Variants in SPATA17 observed in about 807,000 individuals in gnomAD.
SPATA17 encodes spermatogenesis-associated protein 17.
In SPATA17, 53 loss-of-function variants were observed where a neutral mutation model predicts 62.2. The observed-to-expected ratio is 0.85, with a 90% CI of 0.68 to 1.07. SPATA17 has a LOEUF of 1.07. SPATA17 is among the 50% of genes least tolerant of loss of function. The pLI is 0.00. For synonymous variants in SPATA17, 146 were observed against 146.8 expected (o/e 0.99, Z 0.04); for missense variants, 466 against 425.5 (o/e 1.10, Z -0.84).
At chr1:217,778,667 AATATTTCTG>A (rs1558047157) in intron 7 of SPATA17, among the ~76,000 whole-genome samples, 1 of 152,188 alleles carries the variant, frequency 6.6e-6, no homozygotes, top group Admixed American at 6.5e-5. Flanking sequence ...AGGGCATGTA[AATATTTCTG>A]AGCTGGAAAC....
chr1:217,670,575 A>G (rs1476995521), intron 4 of SPATA17, among the ~76,000 whole-genome samples: 1 of 152,188 alleles, frequency 6.6e-6, no homozygotes, highest in African/African-American at 2.4e-5. Context: ...ATCCAATGTC[A>G]ATTTATCTTT....
At chr1:217,703,472 T>C (rs1195445120) in intron 5 of SPATA17, among the ~76,000 whole-genome samples, 14 of 152,164 alleles carry the variant, frequency 9.2e-5, no homozygotes, top group Admixed American at 9.2e-4. Flanking sequence ...ATGCCTGGCA[T>C]ATTTCATTAC....
chr1:217,802,313 ATG>A (rs1333913099), intron 9 of SPATA17, among the ~76,000 whole-genome samples: 1 of 152,210 alleles, frequency 6.6e-6, no homozygotes, highest in Non-Finnish European at 1.5e-5. Flanking sequence ...ATATATGTAT[ATG>A]TGCAACTCCT....
At chr1:217,732,084 T>TTCTCTCTCTCTATCTCTC (rs1553370378) in intron 5 of SPATA17, among the ~76,000 whole-genome samples, 5 of 148,834 alleles carry the variant, frequency 3.4e-5, no homozygotes, top group Middle Eastern at 3.5e-3. Flanking sequence ...TTACTCCAGT[T>TTCTCTCTCTCTATCTCTC]TCTCTCTCTC....
At chr1:217,681,264 A>G (rs928952708) in intron 4 of SPATA17, among the ~76,000 whole-genome samples, 3 of 151,436 alleles carry the variant, frequency 2.0e-5, no homozygotes, top group Non-Finnish European at 2.9e-5. Flanking sequence ...AAATAAAGTT[A>G]TTTTCTCTGA....
At chr1:217,760,352 A>G (rs1673144090) in intron 6 of SPATA17, among the ~76,000 whole-genome samples, 1 of 152,230 alleles carries the variant, frequency 6.6e-6, no homozygotes, top group Admixed American at 6.5e-5. Context: ...AGGATAACAT[A>G]CAGAAAAGTG....
chr1:217,838,451 A>G (rs1373299026), intron 9 of SPATA17, among the ~76,000 whole-genome samples: 2 of 152,086 alleles, frequency 1.3e-5, no homozygotes, highest in Non-Finnish European at 2.9e-5. Flanking sequence ...CGCTCATTAT[A>G]GGTCCATTAA....
chr1:217,769,758 AATGTTTCC>A (rs1673391488), intron 6 of SPATA17, among the ~76,000 whole-genome samples: 1 of 152,206 alleles, frequency 6.6e-6, no homozygotes, highest in South Asian at 2.1e-4. Flanking sequence ...GTGAATCCCT[AATGTTTCC>A]ATGAAATTCC....
chr1:217,791,485 C>T (rs1175545070), intron 8 of SPATA17, among the ~76,000 whole-genome samples: 1 of 152,006 alleles, frequency 6.6e-6, no homozygotes, highest in Non-Finnish European at 1.5e-5. Flanking sequence ...GAGAACTGTG[C>T]TCTCTTTTTG....
At chr1:217,747,775 A>G (rs1010873019) in intron 6 of SPATA17, among the ~76,000 whole-genome samples, 5 of 152,170 alleles carry the variant, frequency 3.3e-5, no homozygotes, top group African/African-American at 9.7e-5. Flanking sequence ...TTTTCATGTC[A>G]TAATTTATAC....
At chr1:217,828,413 A>G (rs991348663) in intron 9 of SPATA17, among the ~76,000 whole-genome samples, 1 of 151,502 alleles carries the variant, frequency 6.6e-6, no homozygotes, top group Admixed American at 6.6e-5. Flanking sequence ...TTTACCATAC[A>G]TAAAAACCAA....
intron 6 of SPATA17, among the ~76,000 whole-genome samples, chr1:217,757,001 A>C (rs546788306): frequency 2.8e-4 from 43 of 152,332 alleles, no homozygotes; most frequent in South Asian, 2.7e-3. Flanking sequence ...ATGAATACTC[A>C]TGACAGTTAA....
intron 5 of SPATA17, among the ~76,000 whole-genome samples, chr1:217,707,251 G>A (rs1374579241): frequency 2.6e-5 from 4 of 152,084 alleles, no homozygotes; most frequent in Admixed American, 2.6e-4. Context: ...GTATAGCAAT[G>A]CTACTGGTTT....
At chr1:217,698,107 C>T (rs983367822) in intron 5 of SPATA17, among the ~76,000 whole-genome samples, 1 of 151,914 alleles carries the variant, frequency 6.6e-6, no homozygotes, top group Admixed American at 6.6e-5. Flanking sequence ...ACCAGCCTGG[C>T]CAGCATGGTG....
At chr1:217,706,599 G>A (rs569533368) in intron 5 of SPATA17, among the ~76,000 whole-genome samples, 13 of 152,294 alleles carry the variant, frequency 8.5e-5, no homozygotes, top group African/African-American at 2.6e-4. Context: ...TGCCATGATT[G>A]TAAGTTTCCT....
At chr1:217,737,247 G>A (rs1368907311) in intron 5 of SPATA17, among the ~76,000 whole-genome samples, 1 of 152,146 alleles carries the variant, frequency 6.6e-6, no homozygotes, top group African/African-American at 2.4e-5. Context: ...ACAGGACTAT[G>A]AAAGTATTAA....
chr1:217,686,505 T>C (rs1671218906), intron 5 of SPATA17, among the ~76,000 whole-genome samples: 2 of 152,188 alleles, frequency 1.3e-5, no homozygotes, highest in African/African-American at 4.8e-5. Flanking sequence ...GGCTTATCTA[T>C]ATTTTTTAGA....
At chr1:217,810,617 C>CAA (rs112509140) in intron 9 of SPATA17, among the ~76,000 whole-genome samples, 2 of 143,102 alleles carry the variant, frequency 1.4e-5, no homozygotes, top group African/African-American at 5.1e-5. Context: ...GACTCTGTCT[C>CAA]AAAAAAAAAA....
intron 9 of SPATA17, among the ~76,000 whole-genome samples, chr1:217,809,992 A>G (rs1026351318): frequency 1.3e-5 from 2 of 152,136 alleles, no homozygotes; most frequent in African/African-American, 4.8e-5. Flanking sequence ...TCACTGTTCT[A>G]TTTAATTCAA....
Sources: gnomAD v4.1 joint callset for allele counts (sites outside exome capture counted in the v4.1 genomes callset) on GRCh38, gnomAD v4.1.1 for gene constraint, MANE v1.5 for transcripts, NCBI Gene and HGNC (gene_info 2026-07-23, HGNC 2026-07-21) for gene names.